NFIA: variants seen among roughly 807,000 people sequenced by gnomAD.
NFIA encodes the protein nuclear factor I A, also known as nuclear factor 1 A-type.
In NFIA, 8 loss-of-function variants were observed where a neutral mutation model predicts 62.8. The ratio of observed to expected loss-of-function variants is 0.13; its 90% CI spans 0.07 to 0.23. The LOEUF is 0.23. Among genes scored for constraint, NFIA ranks in the 10% least tolerant of loss-of-function variants. The probability of loss-of-function intolerance (pLI) is 1.00; values close to 1 mark genes in which losing one functional copy is unlikely to be tolerated. For missense variants in NFIA, 410 were observed against 642.1 expected (o/e 0.64, Z 3.91); for synonymous variants, 235 against 238.1 (o/e 0.99, Z 0.12).
intron 2 of NFIA, among the ~76,000 whole-genome samples, chr1:61,137,721 A>G (rs1033707211): frequency 6.6e-5 from 10 of 151,908 alleles, no homozygotes; most frequent in Non-Finnish European, 1.5e-4. Flanking sequence ...AAATCTCTCT[A>G]CCTCAGGCGT....
At chr1:61,361,859 A>G (rs1480816035) in intron 6 of NFIA, among the ~76,000 whole-genome samples, 1 of 151,052 alleles carries the variant, frequency 6.6e-6, no homozygotes, top group Admixed American at 6.6e-5. Flanking sequence ...AGAATCCCTC[A>G]CAGTTGTATT....
intron 2 of NFIA, among the ~76,000 whole-genome samples, chr1:61,256,665 A>G (rs1256969455): frequency 2.6e-5 from 4 of 152,288 alleles, no homozygotes; most frequent in African/African-American, 7.2e-5. Flanking sequence ...AAAGGGAAAT[A>G]CAGAAAGAGG....
intron 2 of NFIA, among the ~76,000 whole-genome samples, chr1:61,259,591 G>A (rs1024671054): frequency 1.3e-5 from 2 of 152,108 alleles, no homozygotes; most frequent in African/African-American, 2.4e-5. Flanking sequence ...GGAAGGGAAA[G>A]GATTCTGACG....
chr1:61,268,925 C>T (rs1657343005), intron 2 of NFIA, among the ~76,000 whole-genome samples: 1 of 152,070 alleles, frequency 6.6e-6, no homozygotes, highest in African/African-American at 2.4e-5. Flanking sequence ...ACTCTCCGCA[C>T]ACTTCTCCAC....
At chr1:61,352,606 T>A (rs1438525840) in intron 5 of NFIA, 39 bp downstream of exon 5, 2 of 1,440,698 alleles carry the variant, frequency 1.4e-6, no homozygotes, top group Non-Finnish European at 9.8e-7. Context: ...TTATGCTACA[T>A]GGTTGCACAC....
chr1:61,315,372 G>A (rs1370036612), intron 3 of NFIA, among the ~76,000 whole-genome samples: 7 of 152,142 alleles, frequency 4.6e-5, no homozygotes, highest in South Asian at 2.1e-4. Flanking sequence ...AATTGAACTC[G>A]CATACATATA....
Position 61,184,284 on chromosome 1 carries a change from G to A in NFIA, c.560-93236G>A, listed in dbSNP as rs576125161. On this transcript the variant is annotated intron_variant, in intron 2 of 10. Transcript: ENST00000403491. ...GGCGACGTTCCGCTCCTTACATGGCGGCTGTATTTACTCGGCCGCAGCCAA... is the reference window on the plus strand; with the variant it reads ...GGCGACGTTCCGCTCCTTACATGGCAGCTGTATTTACTCGGCCGCAGCCAA... Among the ~76,000 whole-genome samples the A allele has an allele frequency of 1.4e-3, 214 of 152,294 alleles. 2 individuals carry two copies. The highest frequency in any genetic ancestry group is 2.9e-3 in the Non-Finnish European group (194 of 68,014).
intron 2 of NFIA, chr1:61,125,313 A>G (rs528529441): frequency 6.6e-6 from 1 of 152,352 alleles, no homozygotes; most frequent in East Asian, 1.9e-4. Context: ...ATTCTAAAGC[A>G]AAGTCAGAAT....
At chr1:61,210,836 A>G (rs952225748) in intron 2 of NFIA, among the ~76,000 whole-genome samples, 1 of 152,158 alleles carries the variant, frequency 6.6e-6, no homozygotes, top group East Asian at 1.9e-4. Context: ...TCTACAGGCA[A>G]CACTCAGGTG....
At chr1:61,213,192 G>A (rs1196090796) in intron 2 of NFIA, among the ~76,000 whole-genome samples, 1 of 152,190 alleles carries the variant, frequency 6.6e-6, no homozygotes, top group Non-Finnish European at 1.5e-5. Flanking sequence ...ATATGAAAAT[G>A]CTGTGGTTCC....
At chr1:61,435,749 C>T (rs1168768151) in intron 10 of NFIA, among the ~76,000 whole-genome samples, 7 of 152,176 alleles carry the variant, frequency 4.6e-5, no homozygotes, top group Non-Finnish European at 7.3e-5. Context: ...GGACCAGTCA[C>T]ATTTGCCTCT....
At chr1:61,310,175 T>C (rs1321713598) in intron 3 of NFIA, among the ~76,000 whole-genome samples, 2 of 152,240 alleles carry the variant, frequency 1.3e-5, no homozygotes, top group Non-Finnish European at 2.9e-5. Context: ...CTCTTTAGTG[T>C]GCTGGGCCGA....
At chr1:61,433,103 G>A (rs1667175985) in intron 10 of NFIA, among the ~76,000 whole-genome samples, 1 of 152,160 alleles carries the variant, frequency 6.6e-6, no homozygotes, top group Non-Finnish European at 1.5e-5. Context: ...CTTTAAAAGA[G>A]TCTAAGATTG....
intron 2 of NFIA, among the ~76,000 whole-genome samples, chr1:61,268,841 C>T (rs1433782594): frequency 1.3e-5 from 2 of 152,034 alleles, no homozygotes; most frequent in African/African-American, 4.8e-5. Flanking sequence ...CAAAACTGTG[C>T]CAATGCATAT....
intron 2 of NFIA, among the ~76,000 whole-genome samples, chr1:61,109,733 A>G (rs1413572897): frequency 1.3e-5 from 2 of 151,912 alleles, no homozygotes; most frequent in African/African-American, 4.8e-5. Flanking sequence ...CCTTTTTACC[A>G]TTTTCATGTG....
At chr1:61,160,295 A>G (rs1557605501) in intron 2 of NFIA, among the ~76,000 whole-genome samples, 1 of 152,228 alleles carries the variant, frequency 6.6e-6, no homozygotes, top group Non-Finnish European at 1.5e-5. Context: ...CTTGCTAGAA[A>G]TGCAGGTTAG....
chr1:61,420,236 T>G (rs1666544264), intron 9 of NFIA, among the ~76,000 whole-genome samples: 1 of 152,236 alleles, frequency 6.6e-6, no homozygotes. Flanking sequence ...TTTCTAGCAT[T>G]TCTTTTGTGA....
rs373319349 is a variant in NFIA, at chr1:61,431,006, C to T, written c.1512+4450C>T. Among the ~76,000 whole-genome samples the T allele has an allele frequency of 3.9e-5, 6 of 152,208 alleles. No homozygotes were observed. The East Asian group carries it at 1.2e-3, about 29-fold the overall frequency. Reference sequence around the variant, plus strand: ...GAATCTCTTATTTTTCAACGTTGTCCCGTGACAGCTGATATTAACATATAG... The same window carrying T: ...GAATCTCTTATTTTTCAACGTTGTCTCGTGACAGCTGATATTAACATATAG... On this transcript the variant is annotated intron_variant, in intron 10 of 10. Coordinates refer to ENST00000403491, the MANE Select transcript of NFIA (RefSeq NM_001134673.4).
chr1:61,430,687 G>C (rs1667062874), intron 10 of NFIA, among the ~76,000 whole-genome samples: 1 of 151,970 alleles, frequency 6.6e-6, no homozygotes, highest in South Asian at 2.1e-4. Flanking sequence ...TCCCTTGACT[G>C]AAGCAGAATT....
Sources: allele counts gnomAD v4.1 joint callset (sites outside exome capture counted in the v4.1 genomes callset), GRCh38; gene constraint gnomAD v4.1.1; transcripts MANE v1.5; gene names NCBI Gene and HGNC (gene_info 2026-07-23, HGNC 2026-07-21).